The following NFIB variants were observed in gnomAD, a reference collection of about 807,000 sequenced individuals.
The protein encoded by NFIB is nuclear factor I B.
In NFIB, 11 loss-of-function variants were observed where a neutral mutation model predicts 61.5. The observed-to-expected ratio is 0.18, with a 90% confidence interval of 0.11 to 0.30. NFIB has a LOEUF of 0.30. Ranked by LOEUF, NFIB falls within the 10% of genes least tolerant of loss-of-function variation. NFIB has a pLI of 1.00. For synonymous variants in NFIB, 260 were observed against 216.5 expected, an observed-to-expected ratio of 1.20 and a Z score of -1.76; for missense variants, 471 against 608.9, an observed-to-expected ratio of 0.77 and a Z score of 2.38.
chr9:14,376,056 C>A (rs12376379), intron 1 of NFIB, among the ~76,000 whole-genome samples: 7,050 of 152,222 alleles, frequency 0.046, 163 homozygotes, highest in South Asian at 0.074. Flanking sequence ...AGCTATGGAA[C>A]TTTTTAAAAA....
chr9:14,155,079 T>C (rs1466300584), intron 4 of NFIB, among the ~76,000 whole-genome samples: 3 of 152,148 alleles, frequency 2.0e-5, no homozygotes, highest in African/African-American at 7.2e-5. Context: ...CAAAGTTACA[T>C]AAATAAGCTA....
At chr9:14,253,569 C>T (rs1399723777) in intron 2 of NFIB, among the ~76,000 whole-genome samples, 1 of 152,110 alleles carries the variant, frequency 6.6e-6, no homozygotes, top group East Asian at 1.9e-4. Context: ...GGGGCTCACA[C>T]CTGTTAGTCC....
chr9:14,333,076 G>C (rs1416480850), intron 1 of NFIB, among the ~76,000 whole-genome samples: 3 of 152,166 alleles, frequency 2.0e-5, no homozygotes, highest in Admixed American at 2.0e-4. Context: ...GTAGAGCTTT[G>C]GCAGCTGATC....
chr9:14,280,098 C>A (rs925292695), intron 2 of NFIB, among the ~76,000 whole-genome samples: 1 of 152,104 alleles, frequency 6.6e-6, no homozygotes, highest in Non-Finnish European at 1.5e-5. Flanking sequence ...TAATCTGAGT[C>A]CTGTATATCT....
chr9:14,342,324 A>G (rs2132877300), intron 1 of NFIB, among the ~76,000 whole-genome samples: 1 of 152,308 alleles, frequency 6.6e-6, no homozygotes. Context: ...GGACTCAAGG[A>G]GCAACAAAGT....
chr9:14,127,263 T>A (rs965557874), intron 6 of NFIB, among the ~76,000 whole-genome samples: 2 of 152,218 alleles, frequency 1.3e-5, no homozygotes, highest in African/African-American at 4.8e-5. Context: ...TTTTAACATC[T>A]TGAGTGCTGT....
chr9:14,513,851 T>G, the NFIB span, among the ~76,000 whole-genome samples: 5 of 152,280 alleles, frequency 3.3e-5, no homozygotes, highest in African/African-American at 1.2e-4. Context: ...AAGAAAAATA[T>G]TAATGTCCAC....
intron 4 of NFIB, among the ~76,000 whole-genome samples, chr9:14,151,836 T>C (rs2042906451): frequency 6.6e-6 from 1 of 152,194 alleles, no homozygotes; most frequent in East Asian, 1.9e-4. Context: ...TGCAACAAAA[T>C]TCTAGAGCCC....
intron 10 of NFIB, among the ~76,000 whole-genome samples, chr9:14,108,514 T>C (rs2036890539): frequency 6.6e-6 from 1 of 152,078 alleles, no homozygotes; most frequent in Non-Finnish European, 1.5e-5. Flanking sequence ...AAAAGTGTTA[T>C]AAGAAAAGTG....
intron 3 of NFIB, among the ~76,000 whole-genome samples, chr9:14,171,016 A>C (rs2045508905): frequency 6.6e-6 from 1 of 152,200 alleles, no homozygotes; most frequent in Non-Finnish European, 1.5e-5. Flanking sequence ...AGTTAAGGAA[A>C]GTTTGAACTA....
chr9:14,300,294 C>G (rs1294918082), intron 2 of NFIB: 1 of 398,186 alleles, frequency 2.5e-6, no homozygotes, highest in Non-Finnish European at 4.4e-6. Flanking sequence ...CGCATAACCA[C>G]TAGTCCTTGA....
rs1415617381 is a variant in NFIB at position 14,085,839 on chromosome 9, T to C, written c.*2470A>G. On this transcript the variant is annotated 3_prime_UTR_variant, in exon 11 of 11. Transcript: ENST00000380953. ...ACTCCCTCCAACAGGTCTAATGTGT[T>C]TTCTAGGAGAAAGAATATTCATGTG... The C allele has an allele frequency of 4.5e-6, 1 of 222,216 alleles. No homozygotes were observed. The highest frequency in any genetic ancestry group is 2.2e-5 in the African/African-American group (1 of 44,760). The allele number at this position is 222,216 out of a possible 1,614,324, so 13.8% of individuals were successfully genotyped here.
At chr9:14,532,037 C>G in the NFIB span, 1 of 152,828 alleles carries the variant, frequency 6.5e-6, no homozygotes, top group Non-Finnish European at 1.5e-5. Context: ...TGTCAGCAAC[C>G]TTCATCAGAT....
At chr9:14,396,127 G>A (rs1280558059) in intron 1 of NFIB, among the ~76,000 whole-genome samples, 8 of 151,980 alleles carry the variant, frequency 5.3e-5, no homozygotes, top group Non-Finnish European at 1.0e-4. Context: ...AATAGCTCTC[G>A]CAAAGCAGCT....
chr9:14,262,514 G>A (rs553107557), intron 2 of NFIB, among the ~76,000 whole-genome samples: 1 of 152,214 alleles, frequency 6.6e-6, no homozygotes, highest in Non-Finnish European at 1.5e-5. Flanking sequence ...CAGGATTAAA[G>A]TGAGAAGAAT....
chr9:14,347,611 G>A (rs924727359), intron 1 of NFIB, among the ~76,000 whole-genome samples: 1 of 152,172 alleles, frequency 6.6e-6, no homozygotes, highest in Non-Finnish European at 1.5e-5. Context: ...AAGGGAAGGA[G>A]TGGCCAGCTC....
At chr9:14,379,233 C>A (rs1564043794) in intron 1 of NFIB, among the ~76,000 whole-genome samples, 1 of 152,188 alleles carries the variant, frequency 6.6e-6, no homozygotes, top group Non-Finnish European at 1.5e-5. Context: ...TTTGCTGAGA[C>A]AACCTGAAAC....
chr9:14,315,480 G>T (rs1729063035), upstream of NFIB, among the ~76,000 whole-genome samples: 1 of 147,330 alleles, frequency 6.8e-6, no homozygotes, highest in East Asian at 2.1e-4. Flanking sequence ...GGCGCCGGCG[G>T]AAAGCGTCTC....
At chr9:14,459,754 G>A in the NFIB span, among the ~76,000 whole-genome samples, 1 of 152,016 alleles carries the variant, frequency 6.6e-6, no homozygotes, top group Non-Finnish European at 1.5e-5. Flanking sequence ...GCAGCCAAAA[G>A]ACACATGAAA....
Sources: gnomAD v4.1 joint callset for allele counts (sites outside exome capture counted in the v4.1 genomes callset) on GRCh38, gnomAD v4.1.1 for gene constraint, MANE v1.5 for transcripts, NCBI Gene and HGNC (gene_info 2026-07-23, HGNC 2026-07-21) for gene names.